Variants in DUSP11 observed in about 807,000 individuals in gnomAD.
The protein encoded by DUSP11 is dual specificity phosphatase 11, also known as RNA/RNP complex-1-interacting phosphatase.
In DUSP11, 27 loss-of-function variants were observed where a neutral mutation model predicts 41.4. The ratio of observed to expected loss-of-function variants is 0.65; its 90% CI spans 0.48 to 0.90. The LOEUF is 0.90. DUSP11 is among the 40% of genes least tolerant of loss of function. The pLI is 0.00. For missense variants in DUSP11, 465 were observed against 461.1 expected, an observed-to-expected ratio of 1.01 and a Z score of -0.08; for synonymous variants, 188 against 159.3, an observed-to-expected ratio of 1.18 and a Z score of -1.35.
intron 4 of DUSP11, among the ~76,000 whole-genome samples, chr2:73,769,557 T>A (rs2103934891): frequency 6.6e-6 from 1 of 152,296 alleles, no homozygotes; most frequent in South Asian, 2.1e-4. Context: ...CAGCTAAAAC[T>A]GCAATGAGAC....
chr2:73,779,845 G>A (rs1028295295), intron 1 of DUSP11, 29 bp downstream of exon 1: 4 of 1,611,434 alleles, frequency 2.5e-6, no homozygotes, highest in Admixed American at 1.7e-5. Context: ...GAGCTGGAAA[G>A]GCCACGCCAA....
At chr2:73,766,469 G>A (rs138187423) in exon 8 of DUSP11, 1 of 1,614,066 alleles carries the variant, frequency 6.2e-7, no homozygotes, top group Non-Finnish European at 8.5e-7. Context: ...TCGAGGAGCT[G>A]AGTGACCCTG....
At chr2:73,780,031 C>T in exon 1 of DUSP11, 1 of 1,613,938 alleles carries the variant, frequency 6.2e-7, no homozygotes, top group South Asian at 1.1e-5. Context: ...GCCAGTCCGG[C>T]GCCCTCAATG....
chr2:73,769,851 A>C (rs886242765), intron 4 of DUSP11, among the ~76,000 whole-genome samples: 17 of 152,248 alleles, frequency 1.1e-4, no homozygotes, highest in African/African-American at 3.6e-4. Flanking sequence ...TTTACAATGA[A>C]AAGGCAAGGC....
At position 73,768,407 on chromosome 2, in the gene DUSP11, A is replaced by G. The variant is rs894105462; in HGVS notation, c.635+858T>C. 1.1e-5 allele frequency: 11 copies of G among 972,952 alleles called. No homozygotes were observed. The South Asian group carries it at 1.4e-4, about 13-fold the overall frequency. The allele number at this position is 972,952 out of a possible 1,614,324, so 60.3% of individuals were successfully genotyped here. ...CTAACACGCAGCACACTGCTTACAC[A>G]TAATAGATGCTCAGGAGATATTTTC... On this transcript the variant is annotated intron_variant, in intron 5 of 8. Coordinates refer to ENST00000272444, the Ensembl canonical transcript of DUSP11.
intron 8 of DUSP11, among the ~76,000 whole-genome samples, chr2:73,763,857 T>C (rs1477919967): frequency 6.6e-6 from 1 of 152,250 alleles, no homozygotes; most frequent in Non-Finnish European, 1.5e-5. Flanking sequence ...TTTTTCTGAC[T>C]GTTGAATCAC....
intron 3 of DUSP11, among the ~76,000 whole-genome samples, chr2:73,774,203 T>A (rs1672636755): frequency 6.6e-6 from 1 of 152,212 alleles, no homozygotes; most frequent in Non-Finnish European, 1.5e-5. Flanking sequence ...ATAAATTATA[T>A]AAACAGTTCC....
At chr2:73,768,495 C>T (rs779291060) in intron 5 of DUSP11, 78 of 985,282 alleles carry the variant, frequency 7.9e-5, no homozygotes, top group Non-Finnish European at 8.4e-5. Context: ...ACGACACATA[C>T]TATTTGATTA....
intron 1 of DUSP11, 52 bp from the exon 2 acceptor site, chr2:73,778,428 G>C: frequency 8.1e-7 from 1 of 1,228,344 alleles, no homozygotes; most frequent in Non-Finnish European, 1.1e-6. Flanking sequence ...TTGTTTCCTT[G>C]CACAAAATAA....
exon 9 of DUSP11, chr2:73,762,825 G>A: frequency 1.2e-6 from 2 of 1,607,638 alleles, no homozygotes; most frequent in Middle Eastern, 1.7e-4. Context: ...GGGAGATGGT[G>A]TCTCTGGTAA....
intron 2 of DUSP11, among the ~76,000 whole-genome samples, chr2:73,777,817 A>G (rs904762636): frequency 6.6e-6 from 1 of 152,230 alleles, no homozygotes; most frequent in Non-Finnish European, 1.5e-5. Flanking sequence ...AAATAAACAC[A>G]AAGTATTTTT....
intron 3 of DUSP11, among the ~76,000 whole-genome samples, chr2:73,774,382 A>G (rs1012877546): frequency 6.6e-6 from 1 of 152,190 alleles, no homozygotes; most frequent in Non-Finnish European, 1.5e-5. Flanking sequence ...GTAGATACAG[A>G]TAAAAGACAG....
chr2:73,777,650 G>A (rs1478018126), intron 2 of DUSP11, among the ~76,000 whole-genome samples: 1 of 152,190 alleles, frequency 6.6e-6, no homozygotes, highest in African/African-American at 2.4e-5. Context: ...GGCATTCAGT[G>A]GGTAAGGGTT....
intron 3 of DUSP11, 83 bp from the exon 4 acceptor site, chr2:73,774,006 A>ATCTCTTGGCTTATATTCT: frequency 8.3e-7 from 1 of 1,205,904 alleles, no homozygotes; most frequent in Non-Finnish European, 1.1e-6. Context: ...CCAGAATATA[A>ATCTCTTGGCTTATATTCT]GCCAAGAGAT....
chr2:73,763,664 G>C (rs543061204), intron 8 of DUSP11, among the ~76,000 whole-genome samples: 4 of 151,950 alleles, frequency 2.6e-5, no homozygotes, highest in African/African-American at 9.7e-5. Flanking sequence ...TGGAGGTTGC[G>C]GTGAGCTGAG....
chr2:73,769,414 G>C (rs1221857873), intron 4 of DUSP11, 89 bp from the exon 5 acceptor site: 1 of 994,242 alleles, frequency 1.0e-6, no homozygotes, highest in Non-Finnish European at 1.5e-6. Context: ...TAACTCTTAA[G>C]AGGAATTGTT....
intron 4 of DUSP11, among the ~76,000 whole-genome samples, chr2:73,770,450 G>C (rs1350114856): frequency 1.3e-5 from 2 of 151,482 alleles, no homozygotes; most frequent in African/African-American, 4.9e-5. Flanking sequence ...AGGAGACGGA[G>C]GTTGCAGTGT....
chr2:73,769,451 C>A, intron 4 of DUSP11, 126 bp from the exon 5 acceptor site: 1 of 718,074 alleles, frequency 1.4e-6, no homozygotes, highest in Non-Finnish European at 2.2e-6. Flanking sequence ...TATAAAGAAT[C>A]ATCTAACAGA....
chr2:73,766,309 C>CAA (rs34279043), intron 8 of DUSP11, 109 bp downstream of exon 8: 1,543 of 834,776 alleles, frequency 1.8e-3, no homozygotes, highest in South Asian at 2.5e-3. Flanking sequence ...ACTCTGTCTC[C>CAA]AAAAAAAAAA....
Sources: gnomAD v4.1 joint callset for allele counts (sites outside exome capture counted in the v4.1 genomes callset) on GRCh38, gnomAD v4.1.1 for gene constraint, MANE v1.5 for transcripts, NCBI Gene and HGNC (gene_info 2026-07-23, HGNC 2026-07-21) for gene names.